The following SAFB variants were observed in gnomAD, a reference collection of about 807,000 sequenced individuals.
The protein encoded by SAFB is scaffold attachment factor B, also known as scaffold attachment factor B1.
A neutral mutation model predicts 101.6 loss-of-function variants in SAFB; 15 were observed. The ratio of observed to expected loss-of-function variants is 0.15; its 90% CI spans 0.10 to 0.23. The LOEUF is 0.23. Ranked by LOEUF, SAFB falls within the 10% of genes least tolerant of loss-of-function variation. SAFB has a pLI of 1.00. For missense variants in SAFB, 930 were observed against 1,104.1 expected (o/e 0.84, Z 2.23); for synonymous variants, 449 against 407.5 (o/e 1.10, Z -1.23).
intron 1 of SAFB, chr19:5,624,124 C>G (rs2053278065): frequency 6.6e-6 from 1 of 151,224 alleles, no homozygotes; most frequent in Non-Finnish European, 1.5e-5. Flanking sequence ...GCTCCCCCAG[C>G]TCCGTCAGTC....
At chr19:5,626,380 A>G in intron 1 of SAFB, 25 bp from the exon 2 acceptor site, 5 of 1,414,158 alleles carry the variant, frequency 3.5e-6, no homozygotes, top group African/African-American at 1.4e-5. Flanking sequence ...TTTTTGGATC[A>G]ACTTTACTTT....
intron 13 of SAFB, 146 bp from the exon 14 acceptor site, chr19:5,657,095 A>T: frequency 1.7e-6 from 1 of 604,470 alleles, no homozygotes; most frequent in Non-Finnish European, 2.9e-6. Flanking sequence ...AGTAGAGTCA[A>T]GGTTTCACCA....
In SAFB at chr19:5,667,940, C is replaced by G. The variant is rs1329896222; in HGVS notation, c.2624+54C>G. 1.3e-6 allele frequency: 2 copies of G among 1,523,572 alleles called. No individual in the cohort carries two copies. Among genetic ancestry groups the G allele is most frequent in the Admixed American group, 3.9e-5 (2 of 51,364 alleles). The allele number at this position is 1,523,572 out of a possible 1,614,324, so 94.4% of individuals were successfully genotyped here. On this transcript the variant is annotated intron_variant, in intron 20 of 20. Transcript: ENST00000588852. This position sits in a 1 kb window ranked among gnomAD's most constrained non-coding sequence, Gnocchi z 4.0. ...CCCCCTGCTTTGCATATTGGCCTAC[C>G]TTGCTGGAGGCTTAACAACCAAGTC...
chr19:5,632,166 G>T lies in SAFB; in HGVS notation c.274+5677G>T, dbSNP rs554907303. 4.6e-5 allele frequency among the ~76,000 whole-genome samples: 7 copies of T among 152,288 alleles called. No homozygotes were observed. In the South Asian group the frequency reaches 1.5e-3, roughly 32 times the overall value. On this transcript the variant is annotated intron_variant, in intron 2 of 20. Coordinates refer to ENST00000588852, the MANE Select transcript of SAFB (RefSeq NM_001201338.2). ...TTTTGTAACTGGAGATGCAAAGTTG[G>T]CCTGTTTGCTTGGTTAAGTATTACC...
chr19:5,626,573 T>C (rs2053366714), intron 2 of SAFB, 84 bp downstream of exon 2: 4 of 820,696 alleles, frequency 4.9e-6, no homozygotes, highest in South Asian at 1.5e-5. Flanking sequence ...TTTACTTGTC[T>C]GTGTGTTGGA....
Position 5,667,883 on chromosome 19 carries a change from C to T in SAFB, c.2621C>T (p.Ser874Leu), listed in dbSNP as rs771001262. ...PGHMMNRGGM[S>L]GRGSFAPGGA... is the part of the protein sequence containing the mutation. ...CACATGATGAACCGAGGAGGAATGTCAGGGTAAGGCATGCTGGGGGCGGCG... is the reference window on the plus strand; with the variant it reads ...CACATGATGAACCGAGGAGGAATGTTAGGGTAAGGCATGCTGGGGGCGGCG... The change falls in exon 20 of 21, where the codon TCA becomes TTA. Residue 874 changes from serine to leucine, a missense_variant. By Grantham distance (145) the Ser-to-Leu change is moderately radical (BLOSUM62 -2). Around this residue, in one of 7 missense-constraint regions of SAFB, gnomAD observed 318 missense variants for 342.6 expected, o/e 0.93. Transcript: ENST00000588852. The surrounding 1 kb of genome is among the most constrained non-coding windows in gnomAD (Gnocchi z 4.0). 10 of 1,604,140 alleles carry T rather than the reference C, an allele frequency of 6.2e-6. No individual in the cohort carries two copies. Among genetic ancestry groups the T allele is most frequent in the Non-Finnish European group, 8.5e-6 (10 of 1,175,212 alleles).
intron 13 of SAFB, 105 bp downstream of exon 13, chr19:5,654,561 C>A (rs534644693): frequency 5.1e-6 from 4 of 790,134 alleles, no homozygotes; most frequent in South Asian, 1.4e-5. Flanking sequence ...AAGCTTTTGT[C>A]GGCCGTTTCG....
At chr19:5,654,490 T>C (rs776768495) in intron 13 of SAFB, 34 bp downstream of exon 13, 21 of 1,262,166 alleles carry the variant, frequency 1.7e-5, no homozygotes, top group Non-Finnish European at 2.2e-5. Flanking sequence ...GGTATTTTGC[T>C]CTTCTTTTCA....
intron 2 of SAFB, among the ~76,000 whole-genome samples, chr19:5,640,510 T>C (rs117911893): frequency 0.017 from 2,540 of 151,984 alleles, 40 homozygotes; most frequent in East Asian, 0.027. Context: ...GGACTACAAG[T>C]GCACGAGATT....
In SAFB at chr19:5,667,257, A is replaced by G. The variant is rs1452474646; in HGVS notation, c.2454-90A>G. 3 of 1,255,846 alleles carry G rather than the reference A, an allele frequency of 2.4e-6. No homozygotes were observed. The highest frequency in any genetic ancestry group is 1.5e-5 in the African/African-American group (1 of 65,970). The allele number at this position is 1,255,846 out of a possible 1,614,324, so 77.8% of individuals were successfully genotyped here. On this transcript the variant is annotated intron_variant, in intron 18 of 20. Coordinates refer to ENST00000588852, the MANE Select transcript of SAFB (RefSeq NM_001201338.2). This position sits in a 1 kb window ranked among gnomAD's most constrained non-coding sequence, Gnocchi z 4.0. ...GATGTGGGCACAGGGTGGGAAACACAGAGGGATTCACTCTCCAGAAGCCGC... is the reference window on the plus strand; with the variant it reads ...GATGTGGGCACAGGGTGGGAAACACGGAGGGATTCACTCTCCAGAAGCCGC...
rs778468973 is a variant in SAFB at position 5,667,857 on chromosome 19, C to T, written c.2595C>T (p.Gly865=). 5.6e-6 allele frequency: 9 copies of T among 1,610,934 alleles called. No individual in the cohort carries two copies. The highest frequency in any genetic ancestry group is 7.6e-6 in the Non-Finnish European group (9 of 1,178,602). ...GCATGTCCGGTCACTCCGGGCCTGG[C>T]CACATGATGAACCGAGGAGGAATGT... ...ERSMSGHSGP[G]HMMNRGGMSG... The change falls in exon 20 of 21, where the codon GGC becomes GGT. Residue 865 remains glycine (G), a synonymous_variant. Coordinates refer to ENST00000588852, the MANE Select transcript of SAFB (RefSeq NM_001201338.2). This position sits in a 1 kb window ranked among gnomAD's most constrained non-coding sequence, Gnocchi z 4.0.
intron 2 of SAFB, among the ~76,000 whole-genome samples, chr19:5,630,533 A>T (rs1349698683): frequency 3.9e-5 from 6 of 152,194 alleles, no homozygotes. Flanking sequence ...ATGCAGGTGG[A>T]TCACCTGAGG....
chr19:5,641,105 G>T (rs1004359486), intron 2 of SAFB, among the ~76,000 whole-genome samples: 4 of 152,026 alleles, frequency 2.6e-5, no homozygotes, highest in Non-Finnish European at 5.9e-5. Context: ...CCTGACCTCA[G>T]GTGATCCGCC....
At chr19:5,657,761 G>T (rs894364768) in intron 14 of SAFB, among the ~76,000 whole-genome samples, 4 of 152,032 alleles carry the variant, frequency 2.6e-5, no homozygotes, top group African/African-American at 9.7e-5. Context: ...CTGACCTCAG[G>T]TGATCCACCT....
chr19:5,658,080 C>T (rs2145475886), intron 14 of SAFB, among the ~76,000 whole-genome samples: 1 of 152,136 alleles, frequency 6.6e-6, no homozygotes, highest in South Asian at 2.1e-4. Context: ...TCACCGCAGC[C>T]TCCACCTCCC....
At chr19:5,639,172 G>A (rs980220325) in intron 2 of SAFB, among the ~76,000 whole-genome samples, 1 of 152,130 alleles carries the variant, frequency 6.6e-6, no homozygotes, top group Non-Finnish European at 1.5e-5. Flanking sequence ...CAAATTGGTC[G>A]GGGGCAAGTA....
At chr19:5,628,033 C>G (rs1032488196) in intron 2 of SAFB, among the ~76,000 whole-genome samples, 2 of 152,110 alleles carry the variant, frequency 1.3e-5, no homozygotes, top group African/African-American at 4.8e-5. Flanking sequence ...GACTGGTCAC[C>G]TGAGGTCAGG....
chr19:5,645,650 G>A (rs1191379113), intron 5 of SAFB, among the ~76,000 whole-genome samples: 3 of 152,230 alleles, frequency 2.0e-5, no homozygotes, highest in African/African-American at 7.2e-5. Flanking sequence ...TTAGAGTCAT[G>A]TTTTGTGGCA....
At chr19:5,655,949 C>G (rs2054049435) in intron 13 of SAFB, among the ~76,000 whole-genome samples, 1 of 152,056 alleles carries the variant, frequency 6.6e-6, no homozygotes, top group Non-Finnish European at 1.5e-5. Flanking sequence ...ATTTTTGAAG[C>G]AAAAGACATA....
Sources: gnomAD v4.1 joint callset for allele counts (sites outside exome capture counted in the v4.1 genomes callset) on GRCh38, gnomAD v4.1.1 for gene constraint, gnomAD v4.1.1 regional missense constraint, Gnocchi (gnomAD v3.1) non-coding constraint, MANE v1.5 for transcripts, NCBI Gene and HGNC (gene_info 2026-07-23, HGNC 2026-07-21) for gene names.